The following GRID2 variants were observed in gnomAD, a reference collection of about 807,000 sequenced individuals.
The protein encoded by GRID2 is glutamate receptor ionotropic, delta-2.
GRID2 carries 33 observed loss-of-function variants against 114.8 expected under a neutral mutation model. The observed-to-expected ratio is 0.29, with a 90% confidence interval of 0.22 to 0.38. The LOEUF is 0.38. Among genes scored for constraint, GRID2 ranks in the 10% least tolerant of loss-of-function variants. The pLI is 1.00. For synonymous variants in GRID2, 505 were observed against 449.9 expected (o/e 1.12, Z -1.55); for missense variants, 1,184 against 1,257.7 (o/e 0.94, Z 0.89).
intron 2 of GRID2, among the ~76,000 whole-genome samples, chr4:92,749,396 C>T (rs1737326904): frequency 1.3e-5 from 2 of 149,720 alleles, no homozygotes; most frequent in Non-Finnish European, 3.0e-5. Flanking sequence ...CTCACTGCAA[C>T]CTCCGCCTCC....
chr4:93,068,578 G>A lies in GRID2; in HGVS notation c.245-16417G>A, dbSNP rs1199442162. On this transcript the variant is annotated intron_variant, in intron 2 of 15. Coordinates refer to ENST00000282020, the MANE Select transcript of GRID2 (RefSeq NM_001510.4). ...ATTATACAAGATTACTGTGTTTCCT[G>A]TAAAGATATAGGGAAGAGAATGTCT... is the stretch of plus-strand genomic sequence containing the variant. 2.0e-5 allele frequency among the ~76,000 whole-genome samples: 3 copies of A among 151,910 alleles called. No individual in the cohort carries two copies. The East Asian group carries it at 5.8e-4, about 29-fold the overall frequency.
At chr4:93,535,273 A>G (rs949547824) in intron 13 of GRID2, among the ~76,000 whole-genome samples, 1 of 140,534 alleles carries the variant, frequency 7.1e-6, no homozygotes, top group Non-Finnish European at 1.6e-5. Flanking sequence ...CACACACACC[A>G]CATTTTCTTT....
At chr4:93,175,165 A>ATTTTG (rs966374585) in intron 4 of GRID2, among the ~76,000 whole-genome samples, 4 of 151,632 alleles carry the variant, frequency 2.6e-5, no homozygotes, top group Non-Finnish European at 5.9e-5. Flanking sequence ...TAGACCTTTT[A>ATTTTG]TTTTGTTTTG....
At chr4:93,775,686 G>A (rs1019708017), downstream of GRID2, among the ~76,000 whole-genome samples, 1 of 152,250 alleles carries the variant, frequency 6.6e-6, no homozygotes, top group South Asian at 2.1e-4. Context: ...CTATTCAAAT[G>A]TCCAATTTAC....
At chr4:92,860,699 G>A (rs908648956) in intron 2 of GRID2, among the ~76,000 whole-genome samples, 1 of 151,996 alleles carries the variant, frequency 6.6e-6, no homozygotes, top group Admixed American at 6.6e-5. Flanking sequence ...TTATTCATTC[G>A]GTCAACAAGT....
At chr4:93,075,793 A>T (rs972201701) in intron 2 of GRID2, among the ~76,000 whole-genome samples, 27 of 151,988 alleles carry the variant, frequency 1.8e-4, no homozygotes, top group African/African-American at 6.0e-4. Context: ...TTGCTTAAAT[A>T]AATTATTTGA....
chr4:93,373,714 T>A (rs1763130832), intron 8 of GRID2, among the ~76,000 whole-genome samples: 1 of 152,186 alleles, frequency 6.6e-6, no homozygotes. Flanking sequence ...AGCCACTGTA[T>A]GTGATTAATT....
intron 1 of GRID2, among the ~76,000 whole-genome samples, chr4:92,520,375 TAAAAA>T (rs35833244): frequency 6.6e-6 from 1 of 150,952 alleles, no homozygotes; most frequent in African/African-American, 2.4e-5. Context: ...AACATATTGA[TAAAAA>T]AAAACAAGGA....
At chr4:92,929,358 T>C (rs998014322) in intron 2 of GRID2, among the ~76,000 whole-genome samples, 8 of 151,438 alleles carry the variant, frequency 5.3e-5, no homozygotes, top group Non-Finnish European at 1.0e-4. Context: ...TTTTTCTCAT[T>C]TTATATAACA....
chr4:92,347,342 T>C (rs1045088156), intron 1 of GRID2, among the ~76,000 whole-genome samples: 1 of 152,214 alleles, frequency 6.6e-6, no homozygotes, highest in East Asian at 1.9e-4. Context: ...TGTGTAGATA[T>C]GCCTCCATAT....
chr4:92,436,521 G>T (rs28620282), intron 1 of GRID2, among the ~76,000 whole-genome samples: 3,400 of 151,652 alleles, frequency 0.022, 124 homozygotes, highest in African/African-American at 0.077. Context: ...TTTTTGGTTT[G>T]TTTACATTTT....
chr4:92,590,707 C>T (rs1728670863), intron 2 of GRID2, among the ~76,000 whole-genome samples: 1 of 152,080 alleles, frequency 6.6e-6, no homozygotes. Flanking sequence ...AAGAAAAACC[C>T]TTGGACACTA....
At chr4:92,357,283 C>T (rs868364552) in intron 1 of GRID2, among the ~76,000 whole-genome samples, 3 of 151,802 alleles carry the variant, frequency 2.0e-5, no homozygotes, top group Admixed American at 6.6e-5. Flanking sequence ...AAAACTAGAA[C>T]ATTAATATTT....
chr4:93,019,413 T>C (rs1723068048), intron 2 of GRID2, among the ~76,000 whole-genome samples: 1 of 152,164 alleles, frequency 6.6e-6, no homozygotes, highest in African/African-American at 2.4e-5. Flanking sequence ...TTTTCAAGTT[T>C]AAGAAACCCT....
At chr4:93,535,531 C>G (rs1055413621) in intron 13 of GRID2, among the ~76,000 whole-genome samples, 3 of 151,914 alleles carry the variant, frequency 2.0e-5, no homozygotes, top group African/African-American at 7.2e-5. Flanking sequence ...AACAAGGGTT[C>G]TTTTTTCTCC....
intron 1 of GRID2, among the ~76,000 whole-genome samples, chr4:92,462,041 T>C (rs975816541): frequency 1.3e-5 from 2 of 152,088 alleles, no homozygotes; most frequent in African/African-American, 4.8e-5. Context: ...AATTGTTATG[T>C]ATTCAAATAG....
intron 2 of GRID2, among the ~76,000 whole-genome samples, chr4:92,923,071 C>G (rs1041066049): frequency 6.6e-6 from 1 of 152,134 alleles, no homozygotes; most frequent in Admixed American, 6.6e-5. Context: ...TGTTTTAAAA[C>G]TGGAATATAT....
chr4:92,363,249 C>T (rs1449175275), intron 1 of GRID2, among the ~76,000 whole-genome samples: 1 of 151,960 alleles, frequency 6.6e-6, no homozygotes, highest in Non-Finnish European at 1.5e-5. Context: ...TGCTTTAGAG[C>T]AGTGATCTTA....
intron 2 of GRID2, among the ~76,000 whole-genome samples, chr4:92,638,858 CAT>C (rs1380117038): frequency 1.8e-4 from 27 of 150,754 alleles, no homozygotes; most frequent in African/African-American, 5.8e-4. Flanking sequence ...CTCAATATTT[CAT>C]ATGATAGTTT....
Sources: gnomAD v4.1 joint callset for allele counts (sites outside exome capture counted in the v4.1 genomes callset) on GRCh38, gnomAD v4.1.1 for gene constraint, MANE v1.5 for transcripts, NCBI Gene and HGNC (gene_info 2026-07-23, HGNC 2026-07-21) for gene names.